EIF4A3: variants seen among roughly 807,000 people sequenced by gnomAD.
EIF4A3 encodes the protein eukaryotic initiation factor 4A-III.
A neutral mutation model predicts 55.6 loss-of-function variants in EIF4A3; 1 was observed. That is an observed-to-expected ratio of 0.02 (90% confidence interval 0.01 to 0.09). The LOEUF (loss-of-function observed/expected upper bound fraction) is 0.09. Among genes scored for constraint, EIF4A3 ranks in the 10% least tolerant of loss-of-function variants. The probability of loss-of-function intolerance (pLI) is 1.00; values close to 1 mark genes in which losing one functional copy is unlikely to be tolerated. For missense variants in EIF4A3, 221 were observed against 540.7 expected, an observed-to-expected ratio of 0.41 and a Z score of 5.86; for synonymous variants, 194 against 196.3, an observed-to-expected ratio of 0.99 and a Z score of 0.10.
At position 80,134,687 on chromosome 17, in the gene EIF4A3, G is replaced by A. The variant is rs909604202; in HGVS notation, c.*803C>T. ...AAAAATTTAAATATTAGCCAGATGTGCTGGCATGCACCTGTAGTCCCAGCT... is the reference window on the plus strand; with the variant it reads ...AAAAATTTAAATATTAGCCAGATGTACTGGCATGCACCTGTAGTCCCAGCT... On this transcript the variant is annotated 3_prime_UTR_variant, in exon 12 of 12. Transcript: ENST00000649764. Among the ~76,000 whole-genome samples the A allele has an allele frequency of 6.6e-6, 1 of 152,144 alleles. No homozygotes were observed. Among genetic ancestry groups the A allele is most frequent in the African/African-American group, 2.4e-5 (1 of 41,420 alleles).
intron 7 of EIF4A3, 113 bp from the exon 8 acceptor site, chr17:80,138,393 T>G: frequency 7.4e-7 from 1 of 1,347,752 alleles, no homozygotes; most frequent in South Asian, 1.3e-5. Context: ...CCGTGATATC[T>G]GGTGCAGACC....
At position 80,136,274 on chromosome 17, in the gene EIF4A3, T is replaced by C; in HGVS notation, c.1045A>G (p.Ile349Val). ...TTATTAGGGAGATCATAGTTAATGA[T>C]GAGGGACACCTGAGGGACATCCAAC... ...RGLDVPQVSL[I>V]INYDLPNNRE... Residue 349 changes from isoleucine to valine, a missense_variant, in exon 10 of 12, where the codon ATC becomes GTC. Physicochemically the swap from Ile to Val is conservative, Grantham distance 29 (BLOSUM62 3). Transcript: ENST00000649764. 6.2e-7 allele frequency: 1 copy of C among 1,614,178 alleles called. No individual in the cohort carries two copies. The highest frequency in any genetic ancestry group is 8.5e-7 in the Non-Finnish European group (1 of 1,180,012).
In EIF4A3 at chr17:80,136,024, A is replaced by G; in HGVS notation, c.1199T>C (p.Ile400Thr). ...RDIEQYYSTQ[I>T]DEMPMNVADL... ...CCTACCGTTCATCGGCATCTCATCA[A>G]TCTGAGTGGAATAGTACTGCTCGAT... Residue 400 changes from isoleucine to threonine, a missense_variant, in exon 11 of 12, where the codon ATT (isoleucine) becomes ACT (threonine). Around this residue, in one of 4 missense-constraint regions of EIF4A3, gnomAD observed 93 missense variants for 278.5 expected, o/e 0.33. Transcript: ENST00000649764. The G allele has an allele frequency of 6.2e-7, 1 of 1,614,044 alleles. No individual in the cohort carries two copies. Among genetic ancestry groups the G allele is most frequent in the East Asian group, 2.2e-5 (1 of 44,890 alleles).
Position 80,137,877 on chromosome 17 carries a change from T to C in EIF4A3, c.867+265A>G, listed in dbSNP as rs146360583. Among the ~76,000 whole-genome samples, 416 of 152,272 alleles carry C rather than the reference T, an allele frequency of 2.7e-3. 1 individual carries two copies. The highest frequency in any genetic ancestry group is 9.7e-3 in the African/African-American group (404 of 41,544). On this transcript the variant is annotated intron_variant, in intron 8 of 11. Coordinates refer to ENST00000649764, the MANE Select transcript of EIF4A3 (RefSeq NM_014740.4). The stretch of plus-strand genomic sequence containing the variant: ...CCATCACCTGGGGATCTAAAACTAC[T>C]CAGGCCTGGGTTCCACCTTCAGCCA...
rs1426986846 is a variant in EIF4A3, at chr17:80,134,649, C to T, written c.*841G>A. Among the ~76,000 whole-genome samples, 2 of 152,054 alleles carry T rather than the reference C, an allele frequency of 1.3e-5. No individual in the cohort carries two copies. Among genetic ancestry groups the T allele is most frequent in the Admixed American group, 1.3e-4 (2 of 15,262 alleles). ...GACCAGCCTAGGCCACAAAGTGAGA[C>T]CCTGTCTCTACAAAAAATTTAAATA... On this transcript the variant is annotated 3_prime_UTR_variant, in exon 12 of 12. Transcript: ENST00000649764.
At chr17:80,140,194 T>C (rs1450430710) in intron 4 of EIF4A3, 54 bp from the exon 5 acceptor site, 6 of 1,453,002 alleles carry the variant, frequency 4.1e-6, no homozygotes, top group East Asian at 5.1e-5. Context: ...CATCCACGTT[T>C]TCCAAAAAGA....
intron 1 of EIF4A3, among the ~76,000 whole-genome samples, chr17:80,144,844 C>T (rs1361872897): frequency 2.0e-5 from 3 of 152,210 alleles, no homozygotes; most frequent in Non-Finnish European, 1.5e-5. Flanking sequence ...AACTACAACA[C>T]CATCACACCA....
chr17:80,139,937 T>C, intron 5 of EIF4A3, 71 bp downstream of exon 5: 3 of 1,560,748 alleles, frequency 1.9e-6, no homozygotes, highest in Non-Finnish European at 2.6e-6. Flanking sequence ...AATCGAAAGC[T>C]GTCCTGTACC....
chr17:80,144,525 T>C (rs2144002286), intron 1 of EIF4A3, among the ~76,000 whole-genome samples: 1 of 150,784 alleles, frequency 6.6e-6, no homozygotes, highest in East Asian at 2.0e-4. Flanking sequence ...AAAAAAAAAA[T>C]CTGGGTGTGC....
chr17:80,138,062 G>GA, intron 8 of EIF4A3, 80 bp downstream of exon 8: 1 of 1,549,768 alleles, frequency 6.5e-7, no homozygotes, highest in South Asian at 1.2e-5. Flanking sequence ...GCCCTTTACT[G>GA]AAAAATCTTG....
In EIF4A3 at chr17:80,135,142, A is replaced by C; in HGVS notation, c.*348T>G. On this transcript the variant is annotated 3_prime_UTR_variant, in exon 12 of 12. Transcript: ENST00000649764. ...GCTCCTGCCTGGGCAACAGAGGGAG[A>C]CTGTCTCAAAAAAAAAAAAGAAAAA... The C allele has an allele frequency of 5.2e-6, 1 of 191,212 alleles. No homozygotes were observed. 11.8% of individuals were successfully genotyped at this position (191,212 alleles called of 1,614,324 possible). A position where few individuals can be genotyped will look rare whatever the true frequency, so the allele number is the denominator to read the frequency against.
At chr17:80,139,581 ACAGT>A in intron 6 of EIF4A3, 85 bp downstream of exon 6, 1 of 1,146,320 alleles carries the variant, frequency 8.7e-7, no homozygotes, top group Admixed American at 2.2e-5. Flanking sequence ...CACATTCAGA[ACAGT>A]CACTGGCTGT....
intron 11 of EIF4A3, 56 bp from the exon 12 acceptor site, chr17:80,135,562 T>TTTGTGTTG: frequency 6.7e-7 from 1 of 1,483,498 alleles, no homozygotes; most frequent in Non-Finnish European, 9.2e-7. Context: ...TGAAAATTTG[T>TTTGTGTTG]TAACGTAAAT....
intron 2 of EIF4A3, among the ~76,000 whole-genome samples, chr17:80,142,835 T>C (rs1231232146): frequency 6.6e-6 from 1 of 151,998 alleles, no homozygotes; most frequent in African/African-American, 2.4e-5. Flanking sequence ...TGCCAGGAGT[T>C]TGAGAGCAGC....
intron 2 of EIF4A3, among the ~76,000 whole-genome samples, chr17:80,143,175 G>C (rs983995831): frequency 9.9e-5 from 15 of 152,190 alleles, no homozygotes; most frequent in African/African-American, 3.6e-4. Flanking sequence ...GGTTCGAAGA[G>C]CTTCTAGATG....
chr17:80,138,002 G>T, intron 8 of EIF4A3, 140 bp downstream of exon 8: 1 of 1,132,456 alleles, frequency 8.8e-7, no homozygotes, highest in Non-Finnish European at 1.3e-6. Flanking sequence ...GTCTACAGCT[G>T]CTTTTACAAG....
chr17:80,135,895 A>AAAAAC, intron 11 of EIF4A3, 109 bp downstream of exon 11: 1 of 1,477,064 alleles, frequency 6.8e-7, no homozygotes, highest in Admixed American at 2.1e-5. Context: ...ACTTCGTCTC[A>AAAAAC]AAAACAAAAC....
chr17:80,135,889 C>T (rs542767214), intron 11 of EIF4A3, 115 bp downstream of exon 11: 118 of 1,413,712 alleles, frequency 8.3e-5, no homozygotes, highest in Non-Finnish European at 1.1e-4. Context: ...AGCGAAACTT[C>T]GTCTCAAAAA....
At chr17:80,139,558 T>C (rs1441570647) in intron 6 of EIF4A3, 112 bp downstream of exon 6, 14 of 939,984 alleles carry the variant, frequency 1.5e-5, no homozygotes, top group African/African-American at 3.3e-5. Flanking sequence ...TTTTCCACGA[T>C]GAAAACACTA....
Sources: allele counts gnomAD v4.1 joint callset (sites outside exome capture counted in the v4.1 genomes callset), GRCh38; gene constraint gnomAD v4.1.1; regional missense constraint gnomAD v4.1.1; transcripts MANE v1.5; gene names NCBI Gene and HGNC (gene_info 2026-07-23, HGNC 2026-07-21).